PPARGC1A: variants seen among roughly 807,000 people sequenced by gnomAD.
PPARGC1A encodes the protein peroxisome proliferator-activated receptor gamma coactivator 1-alpha.
In PPARGC1A, 25 loss-of-function variants were observed where a neutral mutation model predicts 88.7. The ratio of observed to expected loss-of-function variants is 0.28; its 90% CI spans 0.21 to 0.39. The LOEUF is 0.39. Ranked by LOEUF, PPARGC1A falls within the 10% of genes least tolerant of loss-of-function variation. PPARGC1A has a pLI of 1.00. For synonymous variants in PPARGC1A, 363 were observed against 355.6 expected, an observed-to-expected ratio of 1.02 and a Z score of -0.24; for missense variants, 880 against 968.7, an observed-to-expected ratio of 0.91 and a Z score of 1.22.
At chr4:24,318,584 C>T in the PPARGC1A span, among the ~76,000 whole-genome samples, 2 of 152,184 alleles carry the variant, frequency 1.3e-5, no homozygotes, top group African/African-American at 4.8e-5. Context: ...TATTCTTAGT[C>T]GGGCATCATC....
At chr4:24,029,356 T>C in the PPARGC1A span, among the ~76,000 whole-genome samples, 3 of 152,366 alleles carry the variant, frequency 2.0e-5, no homozygotes, top group Admixed American at 6.5e-5. Flanking sequence ...AACATTATCC[T>C]ATTTTCCCTA....
chr4:24,379,530 T>C, the PPARGC1A span, among the ~76,000 whole-genome samples: 1 of 152,006 alleles, frequency 6.6e-6, no homozygotes, highest in African/African-American at 2.4e-5. Context: ...ATATCACATG[T>C]ACCTCATAAA....
At chr4:24,308,865 A>T in the PPARGC1A span, among the ~76,000 whole-genome samples, 4 of 152,162 alleles carry the variant, frequency 2.6e-5, no homozygotes, top group African/African-American at 9.7e-5. Flanking sequence ...CATCCAGCTA[A>T]TTAGTAATGG....
intron 2 of PPARGC1A, among the ~76,000 whole-genome samples, chr4:23,843,921 C>T (rs2148620544): frequency 1.3e-5 from 2 of 152,030 alleles, no homozygotes; most frequent in South Asian, 4.2e-4. Context: ...ATCATATTTA[C>T]AGATACATAT....
chr4:24,109,019 C>CACCACA, the PPARGC1A span, among the ~76,000 whole-genome samples: 3 of 140,652 alleles, frequency 2.1e-5, no homozygotes, highest in Admixed American at 7.1e-5. Flanking sequence ...CACACACACA[C>CACCACA]CACACACACA....
chr4:23,971,850 C>T, the PPARGC1A span, among the ~76,000 whole-genome samples: 6 of 152,280 alleles, frequency 3.9e-5, no homozygotes, highest in East Asian at 1.2e-3. Flanking sequence ...AAGATCCTCT[C>T]CCTAAAAGAT....
chr4:24,167,190 C>T, the PPARGC1A span, among the ~76,000 whole-genome samples: 15 of 152,018 alleles, frequency 9.9e-5, no homozygotes, highest in Non-Finnish European at 1.9e-4. Context: ...TTGAGGGGTC[C>T]AAGACTTCCG....
chr4:24,063,914 C>A, the PPARGC1A span, among the ~76,000 whole-genome samples: 4 of 152,130 alleles, frequency 2.6e-5, no homozygotes, highest in Admixed American at 2.6e-4. Flanking sequence ...TGATATGGAT[C>A]TGTGTATTAC....
the PPARGC1A span, among the ~76,000 whole-genome samples, chr4:24,177,012 G>C: frequency 1.3e-5 from 2 of 152,156 alleles, no homozygotes; most frequent in Non-Finnish European, 2.9e-5. Flanking sequence ...TTTTTACACT[G>C]TTGGTGGGAC....
At chr4:24,421,707 A>G in the PPARGC1A span, among the ~76,000 whole-genome samples, 3 of 152,218 alleles carry the variant, frequency 2.0e-5, no homozygotes, top group Non-Finnish European at 4.4e-5. Context: ...CACTGCCTCC[A>G]TGATGCGTAC....
chr4:24,305,058 TTAAA>T, the PPARGC1A span, among the ~76,000 whole-genome samples: 9 of 151,174 alleles, frequency 6.0e-5, no homozygotes, highest in African/African-American at 1.9e-4. Flanking sequence ...TCAAAATCAA[TTAAA>T]TGAGATAATA....
At chr4:24,305,789 G>T in the PPARGC1A span, among the ~76,000 whole-genome samples, 1 of 152,164 alleles carries the variant, frequency 6.6e-6, no homozygotes, top group East Asian at 1.9e-4. Context: ...TCCAGCCTGG[G>T]CAACAAGAGC....
At chr4:24,385,995 A>C in the PPARGC1A span, among the ~76,000 whole-genome samples, 1 of 152,330 alleles carries the variant, frequency 6.6e-6, no homozygotes, top group South Asian at 2.1e-4. Flanking sequence ...AATTCTCAAT[A>C]AAATGCTGGC....
the PPARGC1A span, among the ~76,000 whole-genome samples, chr4:24,108,757 C>G: frequency 2.0e-5 from 3 of 151,970 alleles, no homozygotes; most frequent in South Asian, 4.2e-4. Context: ...CCCAGTGGAG[C>G]CTGGGGTTCA....
the PPARGC1A span, among the ~76,000 whole-genome samples, chr4:24,270,331 C>CGGG: frequency 6.8e-6 from 1 of 147,472 alleles, no homozygotes; most frequent in African/African-American, 2.5e-5. Flanking sequence ...CTCTCTCTCT[C>CGGG]TCTGTGTGTG....
At chr4:23,968,429 A>ACCAGT in the PPARGC1A span, among the ~76,000 whole-genome samples, 1 of 152,042 alleles carries the variant, frequency 6.6e-6, no homozygotes, top group Non-Finnish European at 1.5e-5. Context: ...ACTGCAACCA[A>ACCAGT]CCAGTCCAGT....
intron 2 of PPARGC1A, among the ~76,000 whole-genome samples, chr4:23,836,571 T>C (rs1726053096): frequency 6.6e-6 from 1 of 152,240 alleles, no homozygotes; most frequent in Non-Finnish European, 1.5e-5. Flanking sequence ...GTGTCGTTAA[T>C]AAATGATAGT....
At chr4:24,328,605 C>T in the PPARGC1A span, among the ~76,000 whole-genome samples, 1 of 152,218 alleles carries the variant, frequency 6.6e-6, no homozygotes, top group African/African-American at 2.4e-5. Context: ...TAACTAACAT[C>T]ATCTCCCTTC....
chr4:23,843,001 T>C (rs940155346), intron 2 of PPARGC1A, among the ~76,000 whole-genome samples: 1 of 152,268 alleles, frequency 6.6e-6, no homozygotes, highest in African/African-American at 2.4e-5. Context: ...TGCCTAGTTG[T>C]TTTATGGTCT....
Sources: allele counts gnomAD v4.1 joint callset (sites outside exome capture counted in the v4.1 genomes callset), GRCh38; gene constraint gnomAD v4.1.1; transcripts MANE v1.5; gene names NCBI Gene and HGNC (gene_info 2026-07-23, HGNC 2026-07-21).